Variants in MEF2C observed in about 807,000 individuals in gnomAD.
MEF2C encodes myocyte-specific enhancer factor 2C.
A neutral mutation model predicts 50.5 loss-of-function variants in MEF2C; 6 were observed. That is an observed-to-expected ratio of 0.12 (90% CI 0.07 to 0.23). The LOEUF (loss-of-function observed/expected upper bound fraction) is 0.23, where lower values mean the gene tolerates loss of function less well. Ranked by LOEUF, MEF2C falls within the 10% of genes least tolerant of loss-of-function variation. The probability of loss-of-function intolerance (pLI) is 1.00; values close to 1 mark genes in which losing one functional copy is unlikely to be tolerated. For synonymous variants in MEF2C, 183 were observed against 228.0 expected, an observed-to-expected ratio of 0.80 and a Z score of 1.78; for missense variants, 276 against 605.0, an observed-to-expected ratio of 0.46 and a Z score of 5.70.
intron 1 of MEF2C, among the ~76,000 whole-genome samples, chr5:88,873,798 A>G (rs192488991): frequency 2.7e-4 from 39 of 144,130 alleles, no homozygotes; most frequent in African/African-American, 1.0e-3. Flanking sequence ...AGTCAAAATT[A>G]TTTACTTTAA....
At chr5:88,728,380 A>G in intron 10 of MEF2C, 113 bp downstream of exon 10, 3 of 872,414 alleles carry the variant, frequency 3.4e-6, no homozygotes, top group Non-Finnish European at 4.6e-6. Context: ...TTGGATTTCA[A>G]TAAAGTAGAG....
chr5:88,797,613 G>C (rs944272804), intron 3 of MEF2C, among the ~76,000 whole-genome samples: 1 of 151,862 alleles, frequency 6.6e-6, no homozygotes, highest in African/African-American at 2.4e-5. Context: ...GCCAGTCTGT[G>C]TCTTTTAATT....
intron 1 of MEF2C, among the ~76,000 whole-genome samples, chr5:88,868,941 C>T (rs1335224342): frequency 6.6e-6 from 1 of 151,916 alleles, no homozygotes; most frequent in Non-Finnish European, 1.5e-5. Context: ...TTACAATAGG[C>T]ACGTATACAT....
At chr5:88,799,652 T>C (rs1358041919) in intron 3 of MEF2C, among the ~76,000 whole-genome samples, 1 of 152,192 alleles carries the variant, frequency 6.6e-6, no homozygotes, top group Non-Finnish European at 1.5e-5. Flanking sequence ...ATTTTAAGGC[T>C]TTTCCCATCC....
chr5:88,834,223 G>T (rs2153239895), intron 1 of MEF2C, among the ~76,000 whole-genome samples: 1 of 152,210 alleles, frequency 6.6e-6, no homozygotes. Context: ...CTAACAGAAT[G>T]CAGTCCACGC....
intron 1 of MEF2C, among the ~76,000 whole-genome samples, chr5:88,852,412 G>T (rs1164171625): frequency 1.3e-5 from 2 of 152,194 alleles, no homozygotes; most frequent in Non-Finnish European, 2.9e-5. Flanking sequence ...AGACCATTCA[G>T]AGTAGTGGTC....
rs140405858 is a variant in MEF2C at position 88,823,968 on chromosome 5, C to T, written c.-142-38G>A. The T allele has an allele frequency of 6.9e-5, 96 of 1,394,418 alleles. No homozygotes were observed. The African/African-American group carries it at 1.2e-3, about 17-fold the overall frequency. 86.4% of individuals were successfully genotyped at this position (1,394,418 alleles called of 1,614,324 possible). ...GAAAAATTAAATACCACTCTAACAG[C>T]AAGTCAGTTTCATAAGAACTATCAT... On this transcript the variant is annotated intron_variant, in intron 1 of 10. Transcript: ENST00000504921.
chr5:88,889,318 G>C (rs1212961975), intron 1 of MEF2C: 2 of 152,166 alleles, frequency 1.3e-5, no homozygotes, highest in African/African-American at 2.4e-5. Context: ...AATTATTGCC[G>C]ATCCTCCCCT....
intron 6 of MEF2C, chr5:88,746,686 C>A: frequency 2.0e-6 from 2 of 985,310 alleles, no homozygotes; most frequent in Non-Finnish European, 2.4e-6. Flanking sequence ...TTATGTGATT[C>A]TCTGACATCA....
chr5:88,774,472 G>T (rs958553825), intron 3 of MEF2C, among the ~76,000 whole-genome samples: 1 of 151,770 alleles, frequency 6.6e-6, no homozygotes, highest in Non-Finnish European at 1.5e-5. Flanking sequence ...ACAGGCGCCC[G>T]CCACCACGCC....
intron 1 of MEF2C, among the ~76,000 whole-genome samples, chr5:88,867,481 C>T (rs1827778507): frequency 6.6e-6 from 1 of 152,070 alleles, no homozygotes; most frequent in South Asian, 2.1e-4. Context: ...AGTAACTGCA[C>T]CTACCTCATT....
intron 1 of MEF2C, among the ~76,000 whole-genome samples, chr5:88,845,205 A>G (rs1037835085): frequency 1.3e-5 from 2 of 152,216 alleles, no homozygotes; most frequent in African/African-American, 2.4e-5. Flanking sequence ...CAACTGTCAT[A>G]TCCTCCCGTG....
chr5:88,810,672 T>G (rs1421212810), intron 2 of MEF2C, among the ~76,000 whole-genome samples: 1 of 152,148 alleles, frequency 6.6e-6, no homozygotes, highest in Non-Finnish European at 1.5e-5. Flanking sequence ...TGAACTATAA[T>G]TAATGAGGCC....
At chr5:88,900,111 A>G (rs1368463230) in intron 1 of MEF2C, among the ~76,000 whole-genome samples, 1 of 152,074 alleles carries the variant, frequency 6.6e-6, no homozygotes, top group Non-Finnish European at 1.5e-5. Flanking sequence ...GTAGATTTCA[A>G]CTAAACAGTT....
At chr5:88,753,631 T>C (rs1773890507) in intron 4 of MEF2C, among the ~76,000 whole-genome samples, 1 of 152,214 alleles carries the variant, frequency 6.6e-6, no homozygotes, top group Non-Finnish European at 1.5e-5. Context: ...GCGCAGGTGA[T>C]CCGCCCACCT....
chr5:88,776,524 A>T (rs1166314095), intron 3 of MEF2C, among the ~76,000 whole-genome samples: 2 of 151,934 alleles, frequency 1.3e-5, no homozygotes, highest in African/African-American at 4.8e-5. Context: ...GGTAACCTCA[A>T]CCCCTTCCGG....
In MEF2C at chr5:88,743,873, T is replaced by C. The variant is rs1035847984; in HGVS notation, c.637+5197A>G. 3.3e-5 allele frequency: 32 copies of C among 956,980 alleles called. No homozygotes were observed. In the African/African-American group the frequency reaches 5.5e-4, roughly 16 times the overall value. The allele number at this position is 956,980 out of a possible 1,614,324, so 59.3% of individuals were successfully genotyped here. On this transcript the variant is annotated intron_variant, in intron 6 of 10. Transcript: ENST00000504921. ...AATAAGAAAACAGATGTTAGTTTCTTTTTTATAAAATTATATCTAATTTAC... is the reference window on the plus strand; with the variant it reads ...AATAAGAAAACAGATGTTAGTTTCTCTTTTATAAAATTATATCTAATTTAC...
intron 1 of MEF2C, chr5:88,892,074 G>C (rs547756129): frequency 2.0e-5 from 3 of 151,826 alleles, no homozygotes; most frequent in Non-Finnish European, 4.4e-5. Flanking sequence ...TGTCTTTATT[G>C]CTCTTCTTAA....
At chr5:88,872,447 T>C (rs1007389490) in intron 1 of MEF2C, among the ~76,000 whole-genome samples, 12 of 152,014 alleles carry the variant, frequency 7.9e-5, no homozygotes, top group South Asian at 2.1e-4. Context: ...ATATTGAACT[T>C]AGCAATCATT....
Sources: gnomAD v4.1 joint callset for allele counts (sites outside exome capture counted in the v4.1 genomes callset) on GRCh38, gnomAD v4.1.1 for gene constraint, MANE v1.5 for transcripts, NCBI Gene and HGNC (gene_info 2026-07-23, HGNC 2026-07-21) for gene names.